RECQL4: variants seen among roughly 807,000 people sequenced by gnomAD.
RECQL4 encodes ATP-dependent DNA helicase Q4.
RECQL4 carries 158 observed loss-of-function variants against 128.6 expected under a neutral mutation model. That is an observed-to-expected ratio of 1.23 (90% CI 1.08 to 1.40). RECQL4 has a LOEUF of 1.40. Ranked by LOEUF, RECQL4 falls within the 40% of genes most tolerant of loss-of-function variation. The pLI, the probability that RECQL4 is intolerant of heterozygous loss-of-function variation, is 0.00. For synonymous variants in RECQL4, 996 were observed against 678.9 expected (o/e 1.47, Z -7.26); for missense variants, 2,293 against 1,649.8 (o/e 1.39, Z -6.75).
chr8:144,512,062 G>A lies in RECQL4; in HGVS notation c.3242C>T (p.Ala1081Val), dbSNP rs772617043. ...RRTFQAFHSV[A>V]FPSCGPCLEQ... is the part of the protein sequence containing the mutation. ...CAGGCAGGGCCCGCAGCTGGGGAAG[G>A]CTACGCTGTGGGGAGGAGCCTGTCA... is the stretch of plus-strand genomic sequence containing the variant. The change falls in exon 19 of 21, where the codon GCC becomes GTC. Residue 1081 changes from alanine (A) to valine (V), a missense_variant. Coordinates refer to ENST00000617875, the MANE Select transcript of RECQL4 (RefSeq NM_004260.4). 6.2e-7 allele frequency: 1 copy of A among 1,607,662 alleles called. No individual in the cohort carries two copies. Among genetic ancestry groups the A allele is most frequent in the Non-Finnish European group, 8.5e-7 (1 of 1,178,482 alleles).
rs576735078 is a variant in RECQL4 at position 144,516,629 on chromosome 8, C to G, written c.490G>C (p.Glu164Gln). The G allele has an allele frequency of 2.5e-6, 4 of 1,610,564 alleles. No homozygotes were observed. The highest frequency in any genetic ancestry group is 1.7e-5 in the Admixed American group (1 of 59,666). The change falls in exon 5 of 21, where the codon GAG (glutamate) becomes CAG (glutamine). Residue 164 changes from glutamate (E) to glutamine (Q), a missense_variant. Coordinates refer to ENST00000617875, the MANE Select transcript of RECQL4 (RefSeq NM_004260.4). Reference sequence around the variant, plus strand: ...AGCCGGCCTGGCCTTGGCTGGGGCTCAGGGAGCTGTGGAGGCTCATCACTG... The same window carrying G: ...AGCCGGCCTGGCCTTGGCTGGGGCTGAGGGAGCTGTGGAGGCTCATCACTG... ...KVSDEPPQLP[E>Q]PQPRPGRLQH... is the part of the protein sequence containing the mutation.
Position 144,514,053 on chromosome 8 carries a change from T to C in RECQL4, c.1933A>G (p.Thr645Ala), listed in dbSNP as rs1302391250. ...GCCACGTCACTGGCAGTGCGGCGTG[T>C]GGCTGTGGCTGTGAGGCCCAGGAAG... Reference protein sequence around the residue: ...HCFLGLTATATRRTASDVAQH... With the variant: ...HCFLGLTATAARRTASDVAQH... The change falls in exon 12 of 21, where the codon ACA becomes GCA. Residue 645 changes from threonine (T) to alanine (A), a missense_variant. Coordinates refer to ENST00000617875, the MANE Select transcript of RECQL4 (RefSeq NM_004260.4). 2 of 1,583,454 alleles carry C rather than the reference T, an allele frequency of 1.3e-6. No homozygotes were observed. Among genetic ancestry groups the C allele is most frequent in the East Asian group, 2.3e-5 (1 of 43,016 alleles).
Position 144,513,424 on chromosome 8 carries a change from G to A in RECQL4, c.2257C>T (p.Arg753Trp), listed in dbSNP as rs367570292. The stretch of plus-strand genomic sequence containing the variant: ...ATGAAGGCTCGCTGTACCCGCCGCC[G>A]TTCCCGGCTGCACATGCCCGCGTGG... Reference protein sequence around the residue: ...AYHAGMCSRERRRVQRAFMQG... With the variant: ...AYHAGMCSREWRRVQRAFMQG... The change falls in exon 14 of 21, where the codon CGG becomes TGG. Residue 753 changes from arginine (R) to tryptophan (W), a missense_variant. Physicochemically the swap from Arg to Trp is moderately radical, Grantham distance 101. Coordinates refer to ENST00000617875, the MANE Select transcript of RECQL4 (RefSeq NM_004260.4). The A allele has an allele frequency of 1.4e-5, 22 of 1,609,272 alleles. No homozygotes were observed. The highest frequency in any genetic ancestry group is 2.2e-5 in the East Asian group (1 of 44,888).
Position 144,517,403 on chromosome 8 carries a change from G to T in RECQL4, c.213+11C>A. On this transcript the variant is annotated intron_variant, in intron 3 of 20. Transcript: ENST00000617875. ...AAGTGGGAGGAGGCTGGGGCGGCGGGGCCTGGGTACCTCTTCGGCCGCCGC... is the reference window on the plus strand; with the variant it reads ...AAGTGGGAGGAGGCTGGGGCGGCGGTGCCTGGGTACCTCTTCGGCCGCCGC... 3.2e-6 allele frequency: 5 copies of T among 1,560,930 alleles called. No homozygotes were observed. The highest frequency in any genetic ancestry group is 4.3e-6 in the Non-Finnish European group (5 of 1,158,694).
At position 144,516,352 on chromosome 8, in the gene RECQL4, C is replaced by T. The variant is rs2130722622; in HGVS notation, c.767G>A (p.Ser256Asn). The change falls in exon 5 of 21, where the codon AGC becomes AAC. Residue 256 changes from serine to asparagine, a missense_variant. Physicochemically the swap from Ser to Asn is conservative, Grantham distance 46. Coordinates refer to ENST00000617875, the MANE Select transcript of RECQL4 (RefSeq NM_004260.4). ...SIRVGSPQPS[S>N]SGGEKRRWNE... ...CCATCTCCGCTTCTCGCCTCCACTG[C>T]TGCTGGGCTGGGGGCTCCCCACACG... is the stretch of plus-strand genomic sequence containing the variant. The T allele has an allele frequency of 6.2e-7, 1 of 1,609,960 alleles. No homozygotes were observed. The highest frequency in any genetic ancestry group is 1.3e-5 in the African/African-American group (1 of 75,048).
At position 144,514,913 on chromosome 8, in the gene RECQL4, T is replaced by C. The variant is rs376495311; in HGVS notation, c.1620+23A>G. On this transcript the variant is annotated intron_variant, in intron 9 of 20. Transcript: ENST00000617875. ...GTGCTGGTTCTTGGCTGTGTACGTG[T>C]GCCCAGGGCCCTGTGTGCACACCTG... 411 of 1,609,254 alleles carry C rather than the reference T, an allele frequency of 2.6e-4. 2 individuals carry two copies. In the Middle Eastern group the frequency reaches 6.8e-3, roughly 27 times the overall value.
In RECQL4 at chr8:144,516,712, T is replaced by G. The variant is rs1224242466; in HGVS notation, c.407A>C (p.Lys136Thr). Residue 136 changes from lysine (K) to threonine (T), a missense_variant, in exon 5 of 21, where the codon AAG becomes ACG. By Grantham distance (78) the Lys-to-Thr change is moderately conservative. Transcript: ENST00000617875. ...RPWPLGRASS[K>T]ASTPKPPGTG... ...ACCTGGGGGCTTTGGGGTGGATGCC[T>G]TAGATGAGGCTCTTCCTAGAGGCCA... 1 of 1,545,882 alleles carries G rather than the reference T, an allele frequency of 6.5e-7. No individual in the cohort carries two copies. The highest frequency in any genetic ancestry group is 8.7e-7 in the Non-Finnish European group (1 of 1,148,642).
rs1060501361 is a variant in RECQL4 at position 144,515,024 on chromosome 8, C to T, written c.1532G>A (p.Cys511Tyr). ...VLPTGAGKSL[C>Y]YQLPALLYSR... ...GTAGAGCAGCGCTGGGAGCTGGTAG[C>T]ACAGGGACTTGCCGGCACCTGTAGG... Residue 511 changes from cysteine to tyrosine, a missense_variant, in exon 9 of 21, where the codon TGC (cysteine) becomes TAC (tyrosine). Coordinates refer to ENST00000617875, the MANE Select transcript of RECQL4 (RefSeq NM_004260.4). 4 of 1,610,630 alleles carry T rather than the reference C, an allele frequency of 2.5e-6. No individual in the cohort carries two copies. The highest frequency in any genetic ancestry group is 3.3e-5 in the Admixed American group (2 of 59,714).
intron 9 of RECQL4, 33 bp downstream of exon 9, chr8:144,514,903 T>G: frequency 6.2e-7 from 1 of 1,607,274 alleles, no homozygotes; most frequent in South Asian, 1.1e-5. Context: ...GGTTCTTGGC[T>G]GTGTACGTGT....
Position 144,514,336 on chromosome 8 carries a change from C to G in RECQL4, c.1731G>C (p.Leu577=). 1.2e-6 allele frequency: 2 copies of G among 1,607,444 alleles called. No individual in the cohort carries two copies. The highest frequency in any genetic ancestry group is 1.7e-6 in the Non-Finnish European group (2 of 1,176,660). ...QKIRAAQVHV[L]MLTPEALVGA... ...CCACCAGTGCCTCAGGTGTCAGCAT[C>G]AGCACGTGTACCTGGGCTGCCCGAA... The change falls in exon 11 of 21, where the codon CTG becomes CTC. Residue 577 remains leucine (L), a synonymous_variant. Coordinates refer to ENST00000617875, the MANE Select transcript of RECQL4 (RefSeq NM_004260.4).
At chr8:144,515,622 C>T (rs1586818408) in intron 6 of RECQL4, 142 bp downstream of exon 6, 4 of 1,444,636 alleles carry the variant, frequency 2.8e-6, no homozygotes, top group Non-Finnish European at 3.8e-6. Flanking sequence ...GTCCCTGCCA[C>T]CCTCCTTCAG....
intron 6 of RECQL4, 121 bp downstream of exon 6, chr8:144,515,643 G>T (rs555627593): frequency 2.1e-6 from 3 of 1,460,224 alleles, no homozygotes; most frequent in South Asian, 2.6e-5. Flanking sequence ...GGGAGCTAGG[G>T]TAGGGCCTGG....
chr8:144,511,853 C>T, intron 19 of RECQL4, 58 bp downstream of exon 19: 2 of 1,610,216 alleles, frequency 1.2e-6, no homozygotes, highest in South Asian at 1.1e-5. Flanking sequence ...CAGAGCAAGC[C>T]CCATGCAGCC....
At position 144,514,180 on chromosome 8, in the gene RECQL4, A is replaced by G. The variant is rs1827810703; in HGVS notation, c.1878+9T>C. 6.2e-7 allele frequency: 1 copy of G among 1,611,922 alleles called. No homozygotes were observed. The highest frequency in any genetic ancestry group is 8.5e-7 in the Non-Finnish European group (1 of 1,179,602). On this transcript the variant is annotated intron_variant, in intron 11 of 20. Coordinates refer to ENST00000617875, the MANE Select transcript of RECQL4 (RefSeq NM_004260.4). Reference sequence around the variant, plus strand: ...CCTGGCCGCCCACCCCAGTTCACATATGGCTCACCTTGCAGACGCGCAGGT... The same window carrying G: ...CCTGGCCGCCCACCCCAGTTCACATGTGGCTCACCTTGCAGACGCGCAGGT...
At position 144,512,771 on chromosome 8, in the gene RECQL4, G is replaced by C; in HGVS notation, c.2756C>G (p.Ala919Gly). ...TVQALDMPEE[A>G]IETLLCYLEL... ...CAGGTAGCACAGCAAAGTCTCGATG[G>C]CTGGGGGCAGAGCAGGGCTCAGCGG... Residue 919 changes from alanine (A) to glycine (G), a missense_variant and splice_region_variant, in exon 16 of 21, where the codon GCC becomes GGC. Coordinates refer to ENST00000617875, the MANE Select transcript of RECQL4 (RefSeq NM_004260.4). The C allele has an allele frequency of 6.2e-7, 1 of 1,611,672 alleles. No individual in the cohort carries two copies. Among genetic ancestry groups the C allele is most frequent in the Non-Finnish European group, 8.5e-7 (1 of 1,179,726 alleles).
chr8:144,517,739 G>A lies in RECQL4; in HGVS notation c.46C>T (p.Arg16Cys), dbSNP rs1166338293. The A allele has an allele frequency of 7.4e-7, 1 of 1,347,610 alleles. No individual in the cohort carries two copies. Among genetic ancestry groups the A allele is most frequent in the African/African-American group, 1.5e-5 (1 of 65,182 alleles). The allele number at this position is 1,347,610 out of a possible 1,614,324, so 83.5% of individuals were successfully genotyped here. A position where few individuals can be genotyped will look rare whatever the true frequency, so the allele number is the denominator to read the frequency against. ...DVRERLQAWERAFRRQRGRRP... is the reference protein window; with the variant it reads ...DVRERLQAWECAFRRQRGRRP... ...CGCCCGCGCTGCCGTCGGAACGCGC[G>A]CTCCCACGCCTGCAGCCGCTCCCGC... Residue 16 changes from arginine (R) to cysteine (C), a missense_variant, in exon 1 of 21, where the codon CGC becomes TGC. Physicochemically the swap from Arg to Cys is radical, Grantham distance 180 (BLOSUM62 -3). Transcript: ENST00000617875.
At position 144,515,182 on chromosome 8, in the gene RECQL4, C is replaced by A. The variant is rs2130705862; in HGVS notation, c.1451G>T (p.Gly484Val). Residue 484 changes from glycine to valine, a missense_variant, in exon 8 of 21, where the codon GGG becomes GTG. Transcript: ENST00000617875. ...GATCCGCATGACTGCACGCTCCTGC[C>A]CAGGGCGAAAGGCTTGGTGCCCCAG... ...EQLGHQAFRP[G>V]QERAVMRILS... 6.4e-7 allele frequency: 1 copy of A among 1,566,728 alleles called. No homozygotes were observed. Among genetic ancestry groups the A allele is most frequent in the East Asian group, 2.4e-5 (1 of 41,890 alleles).
chr8:144,515,494 G>C (rs763511491), intron 6 of RECQL4, 37 bp from the exon 7 acceptor site: 10 of 1,612,076 alleles, frequency 6.2e-6, no homozygotes, highest in South Asian at 4.4e-5. Context: ...GGGAGCTCCA[G>C]GTCGGGCAAG....
Position 144,516,760 on chromosome 8 carries a change from C to T in RECQL4, c.359G>A (p.Gly120Glu), listed in dbSNP as rs779891153. ...KANLKGTLQA[G>E]PALGRRPWPL... ...CCACGGTCTGCGGCCCAGGGCTGGT[C>T]CGGCCTGGGAGGGGAACAACAGAAC... The change falls in exon 5 of 21, where the codon GGA becomes GAA. Residue 120 changes from glycine to glutamate, a missense_variant. Transcript: ENST00000617875. The T allele has an allele frequency of 2.0e-6, 3 of 1,520,660 alleles. No individual in the cohort carries two copies. In the African/African-American group the frequency reaches 4.2e-5, roughly 21 times the overall value. The allele number at this position is 1,520,660 out of a possible 1,614,324, so 94.2% of individuals were successfully genotyped here.
Sources: allele counts gnomAD v4.1 joint callset, GRCh38; gene constraint gnomAD v4.1.1; transcripts MANE v1.5; gene names NCBI Gene and HGNC (gene_info 2026-07-23, HGNC 2026-07-21).